The following MTERF4 variants were observed in gnomAD, a reference collection of about 807,000 sequenced individuals.
MTERF4 encodes the protein transcription termination factor 4, mitochondrial.
In MTERF4, 17 loss-of-function variants were observed where a neutral mutation model predicts 22.5. That is an observed-to-expected ratio of 0.75 (90% CI 0.52 to 1.13). The LOEUF (loss-of-function observed/expected upper bound fraction) is 1.13, where lower values mean the gene tolerates loss of function less well. Among genes scored for constraint, MTERF4 ranks in the 50% most tolerant of loss-of-function variants. MTERF4 has a pLI of 0.00. For missense variants in MTERF4, 420 were observed against 466.8 expected, an observed-to-expected ratio of 0.90 and a Z score of 0.92; for synonymous variants, 165 against 175.3, an observed-to-expected ratio of 0.94 and a Z score of 0.47.
At chr2:241,044,570 C>T in the MTERF4 span, among the ~76,000 whole-genome samples, 2 of 152,166 alleles carry the variant, frequency 1.3e-5, no homozygotes, top group African/African-American at 4.8e-5. Context: ...TGGTATCCCC[C>T]CAGCCAGGAC....
chr2:241,064,938 G>A, the MTERF4 span: 4,844 of 1,584,468 alleles, frequency 3.1e-3, 100 homozygotes, highest in African/African-American at 0.054. This position sits in a 1 kb window ranked among gnomAD's most constrained non-coding sequence, Gnocchi z 7.0. Flanking sequence ...TGGGCTACAC[G>A]GGCGAGGACT....
At chr2:241,093,296 CTGTT>C (rs1376838333), downstream of MTERF4, 3 of 152,662 alleles carry the variant, frequency 2.0e-5, no homozygotes, top group African/African-American at 7.2e-5. Flanking sequence ...GGACCTGTCA[CTGTT>C]TGTCCATGTA....
At chr2:241,047,633 T>TA in the MTERF4 span, among the ~76,000 whole-genome samples, 3 of 152,012 alleles carry the variant, frequency 2.0e-5, no homozygotes, top group Non-Finnish European at 2.9e-5. Flanking sequence ...AGCAGAAAGA[T>TA]ATCTGGAAAA....
the MTERF4 span, chr2:241,053,396 G>A: frequency 6.9e-7 from 1 of 1,452,074 alleles, no homozygotes; most frequent in Non-Finnish European, 9.2e-7. Flanking sequence ...ATGTGGAGGA[G>A]CACAGGGGCT....
At chr2:241,090,546 C>A, downstream of MTERF4, 3 of 1,346,490 alleles carry the variant, frequency 2.2e-6, no homozygotes, top group Non-Finnish European at 3.0e-6. Context: ...ATGTGCTAGA[C>A]TTCTATACAC....
chr2:241,058,312 CATT>C, the MTERF4 span, among the ~76,000 whole-genome samples: 1 of 151,910 alleles, frequency 6.6e-6, no homozygotes, highest in African/African-American at 2.4e-5. Context: ...AAGAAACTGA[CATT>C]AATACCAATG....
downstream of MTERF4, chr2:241,092,418 T>C (rs2064089401): frequency 6.6e-6 from 1 of 152,174 alleles, no homozygotes; most frequent in South Asian, 2.1e-4. The surrounding 1 kb of genome is among the most constrained non-coding windows in gnomAD (Gnocchi z 4.6). Flanking sequence ...CAATAAAAAC[T>C]TATTTACAAT....
In MTERF4 at chr2:241,096,307, C is replaced by G; in HGVS notation, c.837G>C (p.Lys279Asn). 1 of 1,614,204 alleles carries G rather than the reference C, an allele frequency of 6.2e-7. No individual in the cohort carries two copies. Among genetic ancestry groups the G allele is most frequent in the South Asian group, 1.1e-5 (1 of 91,088 alleles). ...ERLGRYQTPDKKGQTQIPNPL... is the reference protein window; with the variant it reads ...ERLGRYQTPDNKGQTQIPNPL... ...GGTTAGGGATCTGTGTCTGCCCCTTCTTATCAGGGGTTTGGTACCGTCCCA... is the reference window on the plus strand; with the variant it reads ...GGTTAGGGATCTGTGTCTGCCCCTTGTTATCAGGGGTTTGGTACCGTCCCA... Residue 279 changes from lysine (K) to asparagine (N), a missense_variant, in exon 4 of 4, where the codon AAG becomes AAC. Physicochemically the swap from Lys to Asn is moderately conservative, Grantham distance 94. Coordinates refer to ENST00000391980, the MANE Select transcript of MTERF4 (RefSeq NM_182501.4). This position sits in a 1 kb window ranked among gnomAD's most constrained non-coding sequence, Gnocchi z 5.1.
Position 241,096,372 on chromosome 2 carries a change from G to A in MTERF4, c.772C>T (p.Leu258=). Residue 258 remains leucine (L), a synonymous_variant, in exon 4 of 4, where the codon CTA becomes TTA. Coordinates refer to ENST00000391980, the MANE Select transcript of MTERF4 (RefSeq NM_182501.4). The surrounding 1 kb of genome is among the most constrained non-coding windows in gnomAD (Gnocchi z 5.1). ...IVKSEYLQYS[L]TKIKQRHIYL... is the part of the protein sequence containing the mutation. ...ATGTGTCTCTGCTTAATCTTGGTTA[G>A]TGAATACTGCAAGTACTCACTCTTT... 6.2e-7 allele frequency: 1 copy of A among 1,614,142 alleles called. No individual in the cohort carries two copies. Among genetic ancestry groups the A allele is most frequent in the Non-Finnish European group, 8.5e-7 (1 of 1,180,044 alleles).
rs2062824586 is a variant in MTERF4 at position 241,073,202 on chromosome 2, G to C, written n.2960C>G. 1 of 1,197,652 alleles carries C rather than the reference G, an allele frequency of 8.3e-7. No homozygotes were observed. The highest frequency in any genetic ancestry group is 1.2e-6 in the Non-Finnish European group (1 of 834,400). The allele number at this position is 1,197,652 out of a possible 1,614,324, so 74.2% of individuals were successfully genotyped here. ...GAGATATAGAAGCACTCAAAAGGGT[G>C]GCCCCAGGACCATCCCGGGTGCAAA... On this transcript the variant is annotated non_coding_transcript_exon_variant, in exon 5 of 5. Transcript: ENST00000464344. The surrounding 1 kb of genome is among the most constrained non-coding windows in gnomAD (Gnocchi z 6.6).
At chr2:241,080,391 AGTTCT>A (rs1172043692) in intron 4 of MTERF4, among the ~76,000 whole-genome samples, 1 of 152,232 alleles carries the variant, frequency 6.6e-6, no homozygotes, top group Non-Finnish European at 1.5e-5. Context: ...CTAATTTTCT[AGTTCT>A]GTTCATTGAA....
intron 4 of MTERF4, chr2:241,081,652 A>G: frequency 3.3e-6 from 5 of 1,536,024 alleles, no homozygotes; most frequent in Non-Finnish European, 4.4e-6. Flanking sequence ...TCCAGTGACT[A>G]ACCTCTCGTG....
downstream of MTERF4, chr2:241,071,491 T>C (rs1350077566): frequency 6.1e-6 from 9 of 1,464,224 alleles, no homozygotes; most frequent in Non-Finnish European, 8.3e-6. Context: ...CGGCTGAGTG[T>C]GAGGGGCACC....
Position 241,073,460 on chromosome 2 carries a change from T to G in MTERF4, n.2702A>C. On this transcript the variant is annotated non_coding_transcript_exon_variant, in exon 5 of 5. Coordinates refer to the MTERF4 transcript ENST00000464344. This position sits in a 1 kb window ranked among gnomAD's most constrained non-coding sequence, Gnocchi z 6.6. ...AGGAGGGACCACCCACGGTGAGGAATCAGGAGGCACAGAGCCTACCTGAGG... is the reference window on the plus strand; with the variant it reads ...AGGAGGGACCACCCACGGTGAGGAAGCAGGAGGCACAGAGCCTACCTGAGG... 9.8e-7 allele frequency: 1 copy of G among 1,021,656 alleles called. No homozygotes were observed. The highest frequency in any genetic ancestry group is 1.5e-6 in the Non-Finnish European group (1 of 664,970). The allele number at this position is 1,021,656 out of a possible 1,614,324, so 63.3% of individuals were successfully genotyped here.
the MTERF4 span, among the ~76,000 whole-genome samples, chr2:241,060,433 T>A: frequency 6.6e-6 from 1 of 152,208 alleles, no homozygotes; most frequent in East Asian, 1.9e-4. Context: ...TCCACCCGCC[T>A]TGGGCTCCCA....
In MTERF4 at chr2:241,081,736, G is replaced by A. The variant is rs763228840; in HGVS notation, n.480-6054C>T. The A allele has an allele frequency of 1.3e-5, 21 of 1,609,110 alleles. No individual in the cohort carries two copies. The African/African-American group carries it at 2.0e-4, about 15-fold the overall frequency. On this transcript the variant is annotated intron_variant and non_coding_transcript_variant, in intron 4 of 4. Coordinates refer to the MTERF4 transcript ENST00000464344. ...GAACGGAGGCACTTGTGTGCCGGGC[G>A]CAGACGCCCACAGCTGTGACTGCGG... is the stretch of plus-strand genomic sequence containing the variant.
At chr2:241,051,904 A>G in the MTERF4 span, 1 of 1,501,128 alleles carries the variant, frequency 6.7e-7, no homozygotes, top group South Asian at 1.3e-5. The surrounding 1 kb of genome is among the most constrained non-coding windows in gnomAD (Gnocchi z 4.7). Flanking sequence ...ACGACGGGCC[A>G]GCCCTGAGCT....
rs979631495 is a variant in MTERF4 at position 241,073,701 on chromosome 2, C to A, written n.2461G>T. 4.4e-6 allele frequency: 2 copies of A among 454,758 alleles called. No homozygotes were observed. Among genetic ancestry groups the A allele is most frequent in the Middle Eastern group, 5.5e-4 (1 of 1,810 alleles). 28.2% of individuals were successfully genotyped at this position (454,758 alleles called of 1,614,324 possible). On this transcript the variant is annotated non_coding_transcript_exon_variant, in exon 5 of 5. Coordinates refer to the MTERF4 transcript ENST00000464344. This position sits in a 1 kb window ranked among gnomAD's most constrained non-coding sequence, Gnocchi z 6.6. ...GCCCACCCCAGCCCCTGCCTCTGGG[C>A]CCCTCACCCCTCACTTCTCCAAAGA...
chr2:241,071,813 A>G (rs1216058287), downstream of MTERF4: 2 of 1,592,700 alleles, frequency 1.3e-6, no homozygotes, highest in East Asian at 2.3e-5. Flanking sequence ...GAGCTTGTGG[A>G]CGGCAGAGGA....
Sources: gnomAD v4.1 joint callset for allele counts (sites outside exome capture counted in the v4.1 genomes callset) on GRCh38, gnomAD v4.1.1 for gene constraint, Gnocchi (gnomAD v3.1) non-coding constraint, MANE v1.5 for transcripts, NCBI Gene and HGNC (gene_info 2026-07-23, HGNC 2026-07-21) for gene names.